SYNDIG1L: variants seen among roughly 807,000 people sequenced by gnomAD.
SYNDIG1L encodes the protein synapse differentiation-inducing gene protein 1-like.
Under a neutral mutation model 20.1 loss-of-function variants are expected in SYNDIG1L, and 13 were observed. The ratio of observed to expected loss-of-function variants is 0.65; its 90% confidence interval spans 0.42 to 1.03. The LOEUF (loss-of-function observed/expected upper bound fraction) is 1.03, where lower values mean the gene tolerates loss of function less well. SYNDIG1L is among the 50% of genes least tolerant of loss of function. The probability of loss-of-function intolerance (pLI) is 0.00; values close to 1 mark genes in which losing one functional copy is unlikely to be tolerated. For missense variants in SYNDIG1L, 294 were observed against 305.1 expected (o/e 0.96, Z 0.27); for synonymous variants, 128 against 129.3 (o/e 0.99, Z 0.07).
At chr14:74,443,720 G>A in the SYNDIG1L span, among the ~76,000 whole-genome samples, 2 of 152,162 alleles carry the variant, frequency 1.3e-5, no homozygotes, top group African/African-American at 4.8e-5. Flanking sequence ...AATGCACTAA[G>A]CTCTCTTGAA....
In SYNDIG1L at chr14:74,409,395, A is replaced by C. The variant is rs761079217; in HGVS notation, c.350T>G (p.Ile117Ser). 2.0e-5 allele frequency: 32 copies of C among 1,612,826 alleles called. No individual in the cohort carries two copies. In the Admixed American group the frequency reaches 2.7e-4, roughly 13 times the overall value. ...TTGTACCCCATAGGACACAGTCTGG[A>C]TGGTGACATTCTCTGCAGCTTGGCC... ...GPGQAAENVT[I>S]QTVSYGVQEE... Residue 117 changes from isoleucine to serine, a missense_variant, in exon 2 of 4, where the codon ATC becomes AGC. Ile to Ser is a moderately radical substitution (Grantham distance 142). Transcript: ENST00000331628.
the SYNDIG1L span, among the ~76,000 whole-genome samples, chr14:74,455,420 G>T: frequency 7.8e-6 from 1 of 128,464 alleles, no homozygotes; most frequent in South Asian, 2.4e-4. Flanking sequence ...TTTTGAGACA[G>T]AGTCTTGCCC....
At chr14:74,446,614 G>GC in the SYNDIG1L span, among the ~76,000 whole-genome samples, 1 of 127,042 alleles carries the variant, frequency 7.9e-6, no homozygotes, top group Admixed American at 8.1e-5. Flanking sequence ...TTATGTGCTG[G>GC]CTTTTTTTTT....
the SYNDIG1L span, chr14:74,479,271 G>A: frequency 2.0e-5 from 3 of 152,222 alleles, no homozygotes; most frequent in Non-Finnish European, 4.4e-5. Flanking sequence ...CAAGGGTCTA[G>A]TGAAATTAGT....
At chr14:74,457,896 C>T in the SYNDIG1L span, among the ~76,000 whole-genome samples, 1 of 152,070 alleles carries the variant, frequency 6.6e-6, no homozygotes, top group Non-Finnish European at 1.5e-5. Flanking sequence ...CTTGTGAGCT[C>T]AAGTGATTCT....
At chr14:74,464,881 T>G in the SYNDIG1L span, among the ~76,000 whole-genome samples, 1 of 152,222 alleles carries the variant, frequency 6.6e-6, no homozygotes, top group Non-Finnish European at 1.5e-5. Context: ...AGCCTCATTA[T>G]TATTCTTACC....
intron 1 of SYNDIG1L, among the ~76,000 whole-genome samples, chr14:74,421,466 A>G (rs1447416805): frequency 2.0e-5 from 3 of 152,212 alleles, no homozygotes; most frequent in Non-Finnish European, 4.4e-5. Flanking sequence ...AGACTAGAGG[A>G]GAAAAATAAC....
chr14:74,422,799 C>A (rs1426168039), intron 1 of SYNDIG1L, among the ~76,000 whole-genome samples: 2 of 151,280 alleles, frequency 1.3e-5, no homozygotes, highest in African/African-American at 4.9e-5. Context: ...CTGCAGCCTG[C>A]ACCTCCCAGG....
At chr14:74,457,989 G>A in the SYNDIG1L span, among the ~76,000 whole-genome samples, 4 of 151,878 alleles carry the variant, frequency 2.6e-5, no homozygotes, top group African/African-American at 9.7e-5. Flanking sequence ...TTGTAGAGAT[G>A]AGGTCTCACT....
chr14:74,410,190 C>A (rs577683078), intron 1 of SYNDIG1L, among the ~76,000 whole-genome samples: 16 of 152,306 alleles, frequency 1.1e-4, no homozygotes, highest in African/African-American at 3.6e-4. Flanking sequence ...AGTGTAAAAT[C>A]AAGTCTCTGC....
intron 1 of SYNDIG1L, among the ~76,000 whole-genome samples, chr14:74,422,224 G>A (rs2086227936): frequency 6.6e-6 from 1 of 152,112 alleles, no homozygotes. Flanking sequence ...CTGGGTGATG[G>A]GGGTGGGGGC....
chr14:74,422,796 C>T (rs1319666786), intron 1 of SYNDIG1L, among the ~76,000 whole-genome samples: 1 of 150,506 alleles, frequency 6.6e-6, no homozygotes, highest in Non-Finnish European at 1.5e-5. Context: ...TCACTGCAGC[C>T]TGCACCTCCC....
the SYNDIG1L span, among the ~76,000 whole-genome samples, chr14:74,464,025 C>A: frequency 4.6e-5 from 7 of 152,190 alleles, no homozygotes; most frequent in Non-Finnish European, 1.0e-4. Flanking sequence ...GAGACCAATT[C>A]CTTGTCCATT....
At chr14:74,456,488 C>T in the SYNDIG1L span, among the ~76,000 whole-genome samples, 8 of 152,106 alleles carry the variant, frequency 5.3e-5, no homozygotes, top group Admixed American at 5.2e-4. Context: ...TGAGATTGTG[C>T]CATTCACCCC....
chr14:74,458,476 G>T, the SYNDIG1L span, among the ~76,000 whole-genome samples: 1 of 151,804 alleles, frequency 6.6e-6, no homozygotes, highest in African/African-American at 2.4e-5. Context: ...ACAAAAATTA[G>T]CTGGGCGTGG....
chr14:74,444,261 T>G, the SYNDIG1L span, among the ~76,000 whole-genome samples: 1 of 151,898 alleles, frequency 6.6e-6, no homozygotes, highest in African/African-American at 2.4e-5. Flanking sequence ...GGTTTCACCA[T>G]GTTGGCCAGG....
At chr14:74,427,398 C>G (rs769543284), upstream of SYNDIG1L, among the ~76,000 whole-genome samples, 2 of 152,070 alleles carry the variant, frequency 1.3e-5, no homozygotes, top group African/African-American at 4.8e-5. Context: ...TGCTATAGCA[C>G]ATAGCATGGT....
At chr14:74,449,999 A>T in the SYNDIG1L span, among the ~76,000 whole-genome samples, 1 of 152,198 alleles carries the variant, frequency 6.6e-6, no homozygotes, top group African/African-American at 2.4e-5. Flanking sequence ...AAAAGAGAGA[A>T]GACACAAATT....
chr14:74,460,777 A>G, the SYNDIG1L span, among the ~76,000 whole-genome samples: 3 of 152,156 alleles, frequency 2.0e-5, no homozygotes, highest in Non-Finnish European at 2.9e-5. Flanking sequence ...TAATAGCTAT[A>G]GCTGGGATCA....
Sources: gnomAD v4.1 joint callset for allele counts (sites outside exome capture counted in the v4.1 genomes callset) on GRCh38, gnomAD v4.1.1 for gene constraint, MANE v1.5 for transcripts, NCBI Gene and HGNC (gene_info 2026-07-23, HGNC 2026-07-21) for gene names.